The following PTPN9 variants were observed in gnomAD, a reference collection of about 807,000 sequenced individuals.
The protein encoded by PTPN9 is protein tyrosine phosphatase non-receptor type 9.
PTPN9 carries 26 observed loss-of-function variants against 69.8 expected under a neutral mutation model. The ratio of observed to expected loss-of-function variants is 0.37; its 90% confidence interval spans 0.27 to 0.52. The LOEUF (loss-of-function observed/expected upper bound fraction) is 0.52. Ranked by LOEUF, PTPN9 falls within the 20% of genes least tolerant of loss-of-function variation. The probability of loss-of-function intolerance (pLI) is 0.91; values close to 1 mark genes in which losing one functional copy is unlikely to be tolerated. For synonymous variants in PTPN9, 274 were observed against 272.5 expected, an observed-to-expected ratio of 1.01 and a Z score of -0.05; for missense variants, 549 against 740.3, an observed-to-expected ratio of 0.74 and a Z score of 3.00.
At chr15:75,572,593 T>C (rs2075153072) in intron 1 of PTPN9, among the ~76,000 whole-genome samples, 1 of 151,892 alleles carries the variant, frequency 6.6e-6, no homozygotes, top group South Asian at 2.1e-4. Flanking sequence ...TGCATGCCTG[T>C]AGTCCCAGCT....
At chr15:75,578,376 G>C (rs2075183261) in intron 1 of PTPN9, among the ~76,000 whole-genome samples, 1 of 152,240 alleles carries the variant, frequency 6.6e-6, no homozygotes, top group African/African-American at 2.4e-5. Context: ...GAGTGGAAGG[G>C]CCGGGGGCAA....
At chr15:75,545,705 G>A (rs567785260) in intron 1 of PTPN9, among the ~76,000 whole-genome samples, 4 of 152,136 alleles carry the variant, frequency 2.6e-5, no homozygotes, top group East Asian at 1.9e-4. Flanking sequence ...TTTGGGAGGC[G>A]GAGGCAGGTG....
chr15:75,530,208 A>T (rs2074948733), intron 1 of PTPN9, among the ~76,000 whole-genome samples: 1 of 144,730 alleles, frequency 6.9e-6, no homozygotes, highest in African/African-American at 2.5e-5. Flanking sequence ...TCAAAAAAAA[A>T]AAAAAAAAAA....
intron 1 of PTPN9, among the ~76,000 whole-genome samples, chr15:75,578,036 G>T (rs919017484): frequency 2.6e-5 from 4 of 152,186 alleles, no homozygotes; most frequent in African/African-American, 9.6e-5. Context: ...GAACAATAGA[G>T]CTCAATGTAA....
rs545867944 is a variant in PTPN9, at chr15:75,525,385, G to A, written c.208-1087C>T. On this transcript the variant is annotated intron_variant, in intron 2 of 12. Transcript: ENST00000618819. ...ATTTTTGTGTTTTTAGTAGAGACGG[G>A]GTTTTGCCATGTTGCCCAGGCTGGT... Among the ~76,000 whole-genome samples, 5 of 151,132 alleles carry A rather than the reference G, an allele frequency of 3.3e-5. No individual in the cohort carries two copies. The South Asian group carries it at 1.1e-3, about 32-fold the overall frequency.
chr15:75,507,399 T>TCATGC (rs1306360193), intron 6 of PTPN9, among the ~76,000 whole-genome samples: 1 of 134,852 alleles, frequency 7.4e-6, no homozygotes, highest in Non-Finnish European at 1.5e-5. Flanking sequence ...TGAGCCAAGA[T>TCATGC]CATGCCATTG....
At chr15:75,475,290 C>A (rs567276846) in intron 9 of PTPN9, among the ~76,000 whole-genome samples, 1 of 152,216 alleles carries the variant, frequency 6.6e-6, no homozygotes, top group African/African-American at 2.4e-5. Context: ...TTGATCAAGA[C>A]AGTAACCGGC....
chr15:75,504,341 A>G (rs2074800421), intron 7 of PTPN9, among the ~76,000 whole-genome samples: 1 of 104,530 alleles, frequency 9.6e-6, no homozygotes, highest in Non-Finnish European at 1.9e-5. Context: ...GGAAGTGAGG[A>G]GCCCCTCTGC....
At chr15:75,549,027 T>C (rs1304653555) in intron 1 of PTPN9, among the ~76,000 whole-genome samples, 2 of 151,980 alleles carry the variant, frequency 1.3e-5, no homozygotes, top group South Asian at 2.1e-4. Flanking sequence ...GGGGCAATCA[T>C]AGTCCACTGT....
chr15:75,545,509 T>C (rs984049700), intron 1 of PTPN9, among the ~76,000 whole-genome samples: 5 of 151,572 alleles, frequency 3.3e-5, no homozygotes, highest in Non-Finnish European at 5.9e-5. Context: ...ATCAGGAAAA[T>C]AACATGAGAA....
intron 7 of PTPN9, among the ~76,000 whole-genome samples, chr15:75,501,643 A>G (rs1019966105): frequency 6.6e-6 from 1 of 151,432 alleles, no homozygotes; most frequent in African/African-American, 2.4e-5. Context: ...ATTTTTGTAG[A>G]GGTAGGGTCT....
At chr15:75,490,917 G>A (rs1185119255) in intron 7 of PTPN9, among the ~76,000 whole-genome samples, 2 of 151,626 alleles carry the variant, frequency 1.3e-5, no homozygotes, top group African/African-American at 2.4e-5. Flanking sequence ...GAGCCACTGC[G>A]CCCTGCCTAA....
chr15:75,494,176 TAG>T (rs903113303), intron 7 of PTPN9, among the ~76,000 whole-genome samples: 5 of 148,662 alleles, frequency 3.4e-5, no homozygotes, highest in South Asian at 4.2e-4. Flanking sequence ...TATTTACATA[TAG>T]AGAGAGAGCG....
chr15:75,479,271 C>A lies in PTPN9; in HGVS notation c.1129+577G>T, dbSNP rs141147857. On this transcript the variant is annotated intron_variant, in intron 9 of 12. Transcript: ENST00000618819. Reference sequence around the variant, plus strand: ...GCAGTGAGTGGAGGTCGTACCACTGCACAATAGCCTGGGCGACACAGCAAG... The same window carrying A: ...GCAGTGAGTGGAGGTCGTACCACTGAACAATAGCCTGGGCGACACAGCAAG... Among the ~76,000 whole-genome samples the A allele has an allele frequency of 6.4e-3, 970 of 152,078 alleles. 13 individuals are homozygous for A. Among genetic ancestry groups the A allele is most frequent in the African/African-American group, 0.022 (910 of 41,470 alleles).
rs541275769 is a variant in PTPN9, at chr15:75,527,854, CA to C, written c.64-594del. Among the ~76,000 whole-genome samples, 472 of 125,530 alleles carry C rather than the reference CA, an allele frequency of 3.8e-3. 2 individuals are homozygous for C. Among genetic ancestry groups the C allele is most frequent in the African/African-American group, 0.011 (386 of 33,790 alleles). 82.4% of individuals were successfully genotyped at this position (125,530 alleles called of 152,430 possible). A position where few individuals can be genotyped will look rare whatever the true frequency, so the allele number is the denominator to read the frequency against. Reference sequence around the variant, plus strand: ...CTGGGCAACAAGAGCGAAACTGTCTCAAAAAAAAAAAGAAAGAAAGAAAAAA... The same window carrying C: ...CTGGGCAACAAGAGCGAAACTGTCTCAAAAAAAAAAGAAAGAAAGAAAAAA... On this transcript the variant is annotated intron_variant, in intron 1 of 12. Transcript: ENST00000618819.
intron 1 of PTPN9, among the ~76,000 whole-genome samples, chr15:75,557,446 CA>C (rs1197077366): frequency 6.6e-6 from 1 of 151,002 alleles, no homozygotes; most frequent in Non-Finnish European, 1.5e-5. Flanking sequence ...CACAAAAAAA[CA>C]AAAAAGAGAA....
At chr15:75,552,016 C>T (rs185573067) in intron 1 of PTPN9, among the ~76,000 whole-genome samples, 2 of 145,970 alleles carry the variant, frequency 1.4e-5, no homozygotes, top group South Asian at 2.2e-4. Context: ...CACTCCAGCC[C>T]GGGTGACAGA....
intron 7 of PTPN9, among the ~76,000 whole-genome samples, chr15:75,499,189 C>T (rs1466550956): frequency 6.6e-6 from 1 of 152,048 alleles, no homozygotes; most frequent in African/African-American, 2.4e-5. Flanking sequence ...CCAAGGGAGA[C>T]ACAGTTTGTT....
At chr15:75,504,014 G>A (rs1211325181) in intron 7 of PTPN9, among the ~76,000 whole-genome samples, 2 of 130,900 alleles carry the variant, frequency 1.5e-5, no homozygotes. Context: ...CAGCCGCCCC[G>A]TCCGGGAGGG....
Sources: allele counts gnomAD v4.1 joint callset (sites outside exome capture counted in the v4.1 genomes callset), GRCh38; gene constraint gnomAD v4.1.1; transcripts MANE v1.5; gene names NCBI Gene and HGNC (gene_info 2026-07-23, HGNC 2026-07-21).